Variants in CANX observed in about 807,000 individuals in gnomAD.
CANX encodes calnexin.
CANX carries 14 observed loss-of-function variants against 75.7 expected under a neutral mutation model. The ratio of observed to expected loss-of-function variants is 0.19; its 90% CI spans 0.12 to 0.29. The LOEUF is 0.29. Ranked by LOEUF, CANX falls within the 10% of genes least tolerant of loss-of-function variation. The probability of loss-of-function intolerance (pLI) is 1.00; values close to 1 mark genes in which losing one functional copy is unlikely to be tolerated. For synonymous variants in CANX, 227 were observed against 236.9 expected (o/e 0.96, Z 0.38); for missense variants, 567 against 713.2 (o/e 0.79, Z 2.34).
chr5:179,730,659 C>A lies in CANX; in HGVS notation c.*2015C>A, dbSNP rs144960904. 1 of 152,156 alleles carries A rather than the reference C, an allele frequency of 6.6e-6. No homozygotes were observed. Among genetic ancestry groups the A allele is most frequent in the Non-Finnish European group, 1.5e-5 (1 of 68,026 alleles). The allele number at this position is 152,156 out of a possible 1,614,324, so 9.4% of individuals were successfully genotyped here. A position where few individuals can be genotyped will look rare whatever the true frequency, so the allele number is the denominator to read the frequency against. Reference sequence around the variant, plus strand: ...GTAAAGTTTGTTGAAAACAAAAACGCCTTTTCTTGGTTCTTTTTTCAGTTA... The same window carrying A: ...GTAAAGTTTGTTGAAAACAAAAACGACTTTTCTTGGTTCTTTTTTCAGTTA... On this transcript the variant is annotated 3_prime_UTR_variant, in exon 15 of 15. Transcript: ENST00000247461.
intron 9 of CANX, 103 bp from the exon 10 acceptor site, chr5:179,720,301 T>C (rs923852818): frequency 2.7e-6 from 2 of 743,450 alleles, no homozygotes; most frequent in African/African-American, 1.8e-5. Flanking sequence ...TCTGGGATAC[T>C]GTGAAAACAT....
At chr5:179,684,926 A>T (rs75496329) in intron 1 of CANX, among the ~76,000 whole-genome samples, 9,710 of 49,328 alleles carry the variant, frequency 0.2, 935 homozygotes, top group South Asian at 0.22. Flanking sequence ...CTAATTTTGT[A>T]TTTTTTTTTT....
At chr5:179,725,817 G>A (rs1157259862) in intron 13 of CANX, among the ~76,000 whole-genome samples, 1 of 139,778 alleles carries the variant, frequency 7.2e-6, no homozygotes, top group East Asian at 2.3e-4. Context: ...GTGAAGCCCC[G>A]TCTCTACTTA....
chr5:179,714,754 T>G (rs1157107971), intron 7 of CANX, among the ~76,000 whole-genome samples: 1 of 152,106 alleles, frequency 6.6e-6, no homozygotes, highest in African/African-American at 2.4e-5. Context: ...CCTGACCTCG[T>G]GATTCGCCCG....
In CANX at chr5:179,731,522, G is replaced by GC. The variant is rs1246797945; in HGVS notation, c.*2881dup. 1.3e-5 allele frequency among the ~76,000 whole-genome samples: 2 copies of GC among 150,854 alleles called. No homozygotes were observed. The highest frequency in any genetic ancestry group is 4.9e-5 in the African/African-American group (2 of 41,176). On this transcript the variant is annotated 3_prime_UTR_variant, in exon 15 of 15. Transcript: ENST00000247461. ...GCATTATGGCACTTTTGCCTTGGTG[G>GC]CCCACTTTCTCCATTTAAAACATTA... is the stretch of plus-strand genomic sequence containing the variant.
intron 1 of CANX, among the ~76,000 whole-genome samples, chr5:179,681,608 A>G (rs1776066897): frequency 6.6e-6 from 1 of 152,148 alleles, no homozygotes; most frequent in Non-Finnish European, 1.5e-5. Context: ...CTCCTTCTAC[A>G]TGTCAGTTAT....
At chr5:179,705,652 T>G in intron 1 of CANX, 27 bp from the exon 2 acceptor site, 1 of 1,582,490 alleles carries the variant, frequency 6.3e-7, no homozygotes, top group Non-Finnish European at 8.6e-7. Context: ...GGCAATACAT[T>G]TAACTGATTT....
chr5:179,694,347 G>A (rs190521430), upstream of CANX: 2 of 562,304 alleles, frequency 3.6e-6, no homozygotes, highest in East Asian at 2.9e-5. Flanking sequence ...GACAATGTCC[G>A]GGAAAGAGAA....
At chr5:179,681,101 C>T in intron 1 of CANX, 2 of 584,052 alleles carry the variant, frequency 3.4e-6, no homozygotes, top group East Asian at 2.9e-5. Context: ...CAGGCCAGGC[C>T]ACCCCAGGAC....
At chr5:179,679,579 G>A (rs1776000217) in intron 1 of CANX, among the ~76,000 whole-genome samples, 1 of 152,204 alleles carries the variant, frequency 6.6e-6, no homozygotes, top group African/African-American at 2.4e-5. Context: ...GGTACTTAAA[G>A]GAGGAGTAGG....
At chr5:179,716,926 G>GT (rs988491801) in intron 8 of CANX, among the ~76,000 whole-genome samples, 5 of 152,326 alleles carry the variant, frequency 3.3e-5, no homozygotes, top group Non-Finnish European at 7.4e-5. Context: ...GGGAAGGGGT[G>GT]TTTCTGATTG....
At chr5:179,714,160 G>A (rs1048304764) in intron 7 of CANX, among the ~76,000 whole-genome samples, 18 of 152,000 alleles carry the variant, frequency 1.2e-4, no homozygotes, top group Admixed American at 7.9e-4. Flanking sequence ...CACCATGCCC[G>A]GCCAATTTTT....
intron 1 of CANX, among the ~76,000 whole-genome samples, chr5:179,692,965 T>G (rs1201011529): frequency 6.6e-6 from 1 of 150,872 alleles, no homozygotes. Flanking sequence ...GCCAAGAAGG[T>G]GAAACCCCAT....
At chr5:179,714,558 C>T (rs983071546) in intron 7 of CANX, among the ~76,000 whole-genome samples, 2 of 150,906 alleles carry the variant, frequency 1.3e-5, no homozygotes, top group African/African-American at 4.9e-5. Flanking sequence ...CGCTCTGTCT[C>T]CCAGACTGGA....
upstream of CANX, among the ~76,000 whole-genome samples, chr5:179,697,651 A>C (rs903921776): frequency 6.6e-6 from 1 of 152,208 alleles, no homozygotes; most frequent in Admixed American, 6.6e-5. Flanking sequence ...TCACGCCTGT[A>C]ATCCCAGCAC....
chr5:179,720,384 T>G lies in CANX; in HGVS notation c.1026-20T>G, dbSNP rs1459201434. 6.2e-7 allele frequency: 1 copy of G among 1,610,316 alleles called. No homozygotes were observed. The highest frequency in any genetic ancestry group is 1.3e-5 in the African/African-American group (1 of 74,850). ...TGCATCACAGAACCTGTTTATAATTTGTTGTTTGTACCTCCGTAGGGATGA... is the reference window on the plus strand; with the variant it reads ...TGCATCACAGAACCTGTTTATAATTGGTTGTTTGTACCTCCGTAGGGATGA... On this transcript the variant is annotated intron_variant, in intron 9 of 14. Coordinates refer to ENST00000247461, the MANE Select transcript of CANX (RefSeq NM_001746.4).
intron 10 of CANX, among the ~76,000 whole-genome samples, chr5:179,722,290 G>T (rs1344480383): frequency 6.6e-6 from 1 of 152,212 alleles, no homozygotes; most frequent in Non-Finnish European, 1.5e-5. Flanking sequence ...AAAAGAAGTT[G>T]CCCTTTAGTT....
At chr5:179,710,278 C>G (rs759756915) in intron 7 of CANX, among the ~76,000 whole-genome samples, 7 of 151,786 alleles carry the variant, frequency 4.6e-5, no homozygotes, top group Non-Finnish European at 1.0e-4. Flanking sequence ...CAAATATTAG[C>G]TAGGCATGGT....
chr5:179,726,864 T>C, intron 14 of CANX, 105 bp downstream of exon 14: 3 of 804,096 alleles, frequency 3.7e-6, no homozygotes, highest in South Asian at 3.3e-5. Context: ...GCAGTAAAAA[T>C]TCTGTTAAAG....
Sources: gnomAD v4.1 joint callset for allele counts (sites outside exome capture counted in the v4.1 genomes callset) on GRCh38, gnomAD v4.1.1 for gene constraint, MANE v1.5 for transcripts, NCBI Gene and HGNC (gene_info 2026-07-23, HGNC 2026-07-21) for gene names.